Variants in SETMAR observed in about 807,000 individuals in gnomAD.
SETMAR encodes histone-lysine N-methyltransferase SETMAR.
SETMAR carries 44 observed loss-of-function variants against 58.4 expected under a neutral mutation model. That is an observed-to-expected ratio of 0.75 (90% CI 0.59 to 0.97). SETMAR has a LOEUF of 0.97. Ranked by LOEUF, SETMAR falls within the 50% of genes least tolerant of loss-of-function variation. The pLI is 0.00. For missense variants in SETMAR, 903 were observed against 840.2 expected (o/e 1.07, Z -0.92); for synonymous variants, 332 against 307.4 (o/e 1.08, Z -0.84).
chr3:4,304,067 G>A, intron 1 of SETMAR: 1 of 200,874 alleles, frequency 5.0e-6, no homozygotes, highest in Admixed American at 6.2e-5. Context: ...AAAATGGCAA[G>A]GAAAATACAC....
intron 2 of SETMAR, among the ~76,000 whole-genome samples, chr3:4,315,844 T>C (rs2125106640): frequency 6.6e-6 from 1 of 152,036 alleles, no homozygotes; most frequent in Middle Eastern, 3.4e-3. Flanking sequence ...CTTGGGAGTT[T>C]GAGACCACCC....
Position 4,303,451 on chromosome 3 carries a change from G to T in SETMAR, c.81G>T (p.Gln27His). The change falls in exon 1 of 3, where the codon CAG becomes CAT. Residue 27 changes from glutamine (Q) to histidine (H), a missense_variant. Transcript: ENST00000358065. ...AGAAGCCTGAGGCCCCGACTGAGCAGCTGGATGTCGCGTGCGGCCAGGAAA... is the reference window on the plus strand; with the variant it reads ...AGAAGCCTGAGGCCCCGACTGAGCATCTGGATGTCGCGTGCGGCCAGGAAA... ...FKEKPEAPTE[Q>H]LDVACGQENL... The T allele has an allele frequency of 1.3e-6, 2 of 1,540,694 alleles. No homozygotes were observed. Among genetic ancestry groups the T allele is most frequent in the Non-Finnish European group, 1.7e-6 (2 of 1,149,674 alleles).
At position 4,313,592 on chromosome 3, in the gene SETMAR, G is replaced by A. The variant is rs1431735145; in HGVS notation, c.851G>A (p.Arg284Lys). The A allele has an allele frequency of 2.2e-5, 35 of 1,613,936 alleles. No homozygotes were observed. Among genetic ancestry groups the A allele is most frequent in the Non-Finnish European group, 3.0e-5 (35 of 1,179,988 alleles). The change falls in exon 2 of 3, where the codon AGG becomes AAG. Residue 284 changes from arginine to lysine, a missense_variant. Transcript: ENST00000358065. Reference sequence around the variant, plus strand: ...GAAAGGCTAGATCATGGGAAACTAAGGAAACCTTGTTACTGTGGTGCCAAA... The same window carrying A: ...GAAAGGCTAGATCATGGGAAACTAAAGAAACCTTGTTACTGTGGTGCCAAA... Reference protein sequence around the residue: ...DKERLDHGKLRKPCYCGAKSC... With the variant: ...DKERLDHGKLKKPCYCGAKSC...
intron 1 of SETMAR, among the ~76,000 whole-genome samples, chr3:4,308,389 A>G (rs931109144): frequency 8.0e-5 from 12 of 150,422 alleles, no homozygotes; most frequent in East Asian, 2.0e-4. Context: ...ACAGAAACCT[A>G]TGAAATAAAT....
rs772955163 is a variant in SETMAR at position 4,303,458 on chromosome 3, G to A, written c.88G>A (p.Val30Ile). 20 of 1,536,028 alleles carry A rather than the reference G, an allele frequency of 1.3e-5. No individual in the cohort carries two copies. In the African/African-American group the frequency reaches 1.6e-4, roughly 12 times the overall value. The change falls in exon 1 of 3, where the codon GTC becomes ATC. Residue 30 changes from valine to isoleucine, a missense_variant. Val to Ile is a conservative substitution (Grantham distance 29). Coordinates refer to ENST00000358065, the MANE Select transcript of SETMAR (RefSeq NM_006515.4). ...TGAGGCCCCGACTGAGCAGCTGGAT[G>A]TCGCGTGCGGCCAGGAAAACTTGCC... ...KPEAPTEQLD[V>I]ACGQENLPVG...
chr3:4,312,864 C>T (rs1347476227), intron 1 of SETMAR, 34 bp from the exon 2 acceptor site: 13 of 1,558,120 alleles, frequency 8.3e-6, no homozygotes, highest in Non-Finnish European at 1.0e-5. Context: ...ATATGACATG[C>T]CGTGCTGACT....
chr3:4,317,148 G>A lies in SETMAR; in HGVS notation c.1957G>A (p.Val653Ile), dbSNP rs369080883. 7.0e-5 allele frequency: 109 copies of A among 1,548,282 alleles called. No individual in the cohort carries two copies. In the East Asian group the frequency reaches 1.8e-3, roughly 25 times the overall value. Residue 653 changes from valine to isoleucine, a missense_variant, in exon 3 of 3, where the codon GTC (valine) becomes ATC (isoleucine). By Grantham distance (29) the Val-to-Ile change is conservative. Transcript: ENST00000358065. ...TGCAGAAAATGCTTTCCAAGAGTTC[G>A]TCGAATCCCAAAGCACGGATTTTTA... ...QDAENAFQEF[V>I]ESQSTDFYAT...
At chr3:4,309,899 TC>T (rs1178951439) in intron 1 of SETMAR, among the ~76,000 whole-genome samples, 1 of 152,232 alleles carries the variant, frequency 6.6e-6, no homozygotes, top group Non-Finnish European at 1.5e-5. Context: ...GAGAAATGCA[TC>T]ATTAGACAAT....
At position 4,316,794 on chromosome 3, in the gene SETMAR, A is replaced by G. The variant is rs1278570385; in HGVS notation, c.1603A>G (p.Ile535Val). 1.3e-6 allele frequency: 2 copies of G among 1,550,710 alleles called. No individual in the cohort carries two copies. The highest frequency in any genetic ancestry group is 1.2e-5 in the South Asian group (1 of 84,034). Reference sequence around the variant, plus strand: ...GCACCCAAAAAAGGTCATGGTCACTATTTGGTGGTCTGCTGCTGGTCTGAT... The same window carrying G: ...GCACCCAAAAAAGGTCATGGTCACTGTTTGGTGGTCTGCTGCTGGTCTGAT... ...ILHPKKVMVT[I>V]WWSAAGLIHY... The change falls in exon 3 of 3, where the codon ATT becomes GTT. Residue 535 changes from isoleucine (I) to valine (V), a missense_variant. Coordinates refer to ENST00000358065, the MANE Select transcript of SETMAR (RefSeq NM_006515.4).
chr3:4,313,455 C>G lies in SETMAR; in HGVS notation c.714C>G (p.Asp238Glu), dbSNP rs1384143856. Residue 238 changes from aspartate (D) to glutamate (E), a missense_variant, in exon 2 of 3, where the codon GAC (aspartate) becomes GAG (glutamate). Physicochemically the swap from Asp to Glu is conservative, Grantham distance 45. Coordinates refer to ENST00000358065, the MANE Select transcript of SETMAR (RefSeq NM_006515.4). ...TTTTGATGATTCCTGTCCGAATTGA[C>G]TCAATGGTACCTAAGTTGGCACTTT... is the stretch of plus-strand genomic sequence containing the variant. Reference protein sequence around the residue: ...PNLLMIPVRIDSMVPKLALFA... With the variant: ...PNLLMIPVRIESMVPKLALFA... 1.2e-6 allele frequency: 2 copies of G among 1,613,978 alleles called. No homozygotes were observed. The highest frequency in any genetic ancestry group is 2.2e-5 in the South Asian group (2 of 91,066).
intron 1 of SETMAR, among the ~76,000 whole-genome samples, chr3:4,307,402 A>G (rs567268665): frequency 6.6e-6 from 1 of 152,150 alleles, no homozygotes; most frequent in African/African-American, 2.4e-5. Context: ...TGAGACACGT[A>G]TCTGTTAGAA....
chr3:4,307,087 C>T (rs1051717637), intron 1 of SETMAR, among the ~76,000 whole-genome samples: 12 of 152,166 alleles, frequency 7.9e-5, no homozygotes, highest in African/African-American at 2.9e-4. Context: ...AGGCCAAGTA[C>T]AAAGATTCTT....
At chr3:4,305,592 A>G (rs1021385681) in intron 1 of SETMAR, among the ~76,000 whole-genome samples, 1 of 152,188 alleles carries the variant, frequency 6.6e-6, no homozygotes, top group South Asian at 2.1e-4. Flanking sequence ...CTCCAGGGCA[A>G]TTTCAAGATA....
At chr3:4,314,558 C>T (rs560889187) in intron 2 of SETMAR, among the ~76,000 whole-genome samples, 1 of 116,998 alleles carries the variant, frequency 8.5e-6, no homozygotes, top group Non-Finnish European at 1.6e-5. Flanking sequence ...AAAAGAGACA[C>T]ATTGTAAATT....
chr3:4,304,651 C>T (rs1232139839), intron 1 of SETMAR, among the ~76,000 whole-genome samples: 3 of 152,196 alleles, frequency 2.0e-5, no homozygotes, highest in Non-Finnish European at 2.9e-5. Context: ...CTTTAACATC[C>T]ATTATCAACA....
At position 4,313,343 on chromosome 3, in the gene SETMAR, A is replaced by G; in HGVS notation, c.602A>G (p.Tyr201Cys). The G allele has an allele frequency of 6.2e-7, 1 of 1,614,080 alleles. No homozygotes were observed. The highest frequency in any genetic ancestry group is 8.5e-7 in the Non-Finnish European group (1 of 1,179,976). The change falls in exon 2 of 3, where the codon TAT becomes TGT. Residue 201 changes from tyrosine (Y) to cysteine (C), a missense_variant. By Grantham distance (194) the Tyr-to-Cys change is radical (BLOSUM62 -2). Coordinates refer to ENST00000358065, the MANE Select transcript of SETMAR (RefSeq NM_006515.4). ...ATTATAGCCATCAGGGAACATGTTT[A>G]TAATGGGCAGGTAATGGAAACATTT... ...NYIIAIREHV[Y>C]NGQVMETFVD...
chr3:4,313,365 A>G lies in SETMAR; in HGVS notation c.624A>G (p.Thr208=). 3 of 1,614,030 alleles carry G rather than the reference A, an allele frequency of 1.9e-6. No individual in the cohort carries two copies. Among genetic ancestry groups the G allele is most frequent in the Non-Finnish European group, 2.5e-6 (3 of 1,179,944 alleles). ...TTTATAATGGGCAGGTAATGGAAACATTTGTTGACCCTACTTATATAGGAA... is the reference window on the plus strand; with the variant it reads ...TTTATAATGGGCAGGTAATGGAAACGTTTGTTGACCCTACTTATATAGGAA... ...EHVYNGQVME[T]FVDPTYIGNI... is the part of the protein sequence containing the mutation. The change falls in exon 2 of 3, where the codon ACA becomes ACG. Residue 208 remains threonine, a synonymous_variant. Coordinates refer to ENST00000358065, the MANE Select transcript of SETMAR (RefSeq NM_006515.4).
chr3:4,305,230 C>T (rs1358504200), intron 1 of SETMAR, among the ~76,000 whole-genome samples: 1 of 152,058 alleles, frequency 6.6e-6, no homozygotes, highest in Non-Finnish European at 1.5e-5. Flanking sequence ...GAATTACAGG[C>T]GCCTACAACC....
intron 1 of SETMAR, 114 bp downstream of exon 1, chr3:4,303,640 G>A: frequency 1.4e-6 from 2 of 1,425,832 alleles, no homozygotes; most frequent in Non-Finnish European, 1.8e-6. Flanking sequence ...TTCTCTTACA[G>A]CGCACCCGTT....
Sources: gnomAD v4.1 joint callset for allele counts (sites outside exome capture counted in the v4.1 genomes callset) on GRCh38, gnomAD v4.1.1 for gene constraint, MANE v1.5 for transcripts, NCBI Gene and HGNC (gene_info 2026-07-23, HGNC 2026-07-21) for gene names.